The following CSMD1 variants were observed in gnomAD, a reference collection of about 807,000 sequenced individuals.
CSMD1 encodes CUB and Sushi multiple domains 1, also known as CUB and sushi domain-containing protein 1.
In CSMD1, 213 loss-of-function variants were observed where a neutral mutation model predicts 417.5. The observed-to-expected ratio is 0.51, with a 90% CI of 0.46 to 0.57. CSMD1 has a LOEUF of 0.57. Ranked by LOEUF, CSMD1 falls within the 20% of genes least tolerant of loss-of-function variation. The probability of loss-of-function intolerance (pLI) is 0.00; values close to 1 mark genes in which losing one functional copy is unlikely to be tolerated. For synonymous variants in CSMD1, 2,862 were observed against 1,736.8 expected (o/e 1.65, Z -16.11); for missense variants, 6,923 against 4,529.7 (o/e 1.53, Z -15.17).
chr8:4,442,437 G>C (rs538691492), intron 2 of CSMD1, among the ~76,000 whole-genome samples: 1 of 152,154 alleles, frequency 6.6e-6, no homozygotes, highest in East Asian at 1.9e-4. Context: ...ATAAAGCCCA[G>C]TTCTATAAAT....
chr8:3,794,161 A>G (rs1050483292), intron 5 of CSMD1, among the ~76,000 whole-genome samples: 2 of 152,116 alleles, frequency 1.3e-5, no homozygotes, highest in African/African-American at 4.8e-5. Context: ...ATCCCAGCAA[A>G]TGACTTTATG....
At chr8:4,213,699 G>T (rs1800460007) in intron 3 of CSMD1, among the ~76,000 whole-genome samples, 2 of 152,228 alleles carry the variant, frequency 1.3e-5, no homozygotes, top group Admixed American at 1.3e-4. Context: ...CTGGTGGGAA[G>T]CCGTGGGCTC....
At chr8:4,129,370 T>C (rs892791198) in intron 3 of CSMD1, among the ~76,000 whole-genome samples, 4 of 152,150 alleles carry the variant, frequency 2.6e-5, no homozygotes, top group Admixed American at 6.5e-5. Flanking sequence ...CCCAGTTTCC[T>C]TGACCACCTC....
intron 10 of CSMD1, among the ~76,000 whole-genome samples, chr8:3,543,188 T>A (rs1798516120): frequency 6.6e-6 from 1 of 152,144 alleles, no homozygotes; most frequent in Non-Finnish European, 1.5e-5. Flanking sequence ...GCTTGATGCT[T>A]TTGAGAAACT....
chr8:4,581,766 G>A (rs1799429502), intron 2 of CSMD1, among the ~76,000 whole-genome samples: 1 of 152,178 alleles, frequency 6.6e-6, no homozygotes. Context: ...AGACCATCTT[G>A]GCAGACAATT....
chr8:4,283,819 A>G (rs1345609305), intron 3 of CSMD1, among the ~76,000 whole-genome samples: 1 of 152,154 alleles, frequency 6.6e-6, no homozygotes, highest in Non-Finnish European at 1.5e-5. Context: ...CACCTATAAA[A>G]TCCTACTCTG....
intron 5 of CSMD1, among the ~76,000 whole-genome samples, chr8:3,873,206 T>A (rs1265406024): frequency 6.6e-6 from 1 of 152,212 alleles, no homozygotes; most frequent in Non-Finnish European, 1.5e-5. Flanking sequence ...TTACTGGCTA[T>A]GTAGCCAAAG....
chr8:4,145,749 C>T (rs1804073294), intron 3 of CSMD1, among the ~76,000 whole-genome samples: 1 of 151,030 alleles, frequency 6.6e-6, no homozygotes, highest in Admixed American at 6.6e-5. Context: ...CCAAAGTCAA[C>T]ACTGATTCCC....
At chr8:3,499,445 G>A (rs923528919) in intron 10 of CSMD1, among the ~76,000 whole-genome samples, 1 of 152,062 alleles carries the variant, frequency 6.6e-6, no homozygotes, top group African/African-American at 2.4e-5. Flanking sequence ...CAGGTGGGCT[G>A]GTCCTTGGGT....
intron 5 of CSMD1, among the ~76,000 whole-genome samples, chr8:3,970,362 TG>T: frequency 6.6e-6 from 1 of 152,186 alleles, no homozygotes; most frequent in East Asian, 1.9e-4. Flanking sequence ...CAGCTCATTT[TG>T]CAACTCCGAC....
chr8:3,214,515 C>T lies in CSMD1; in HGVS notation c.4849G>A (p.Val1617Met). 6.3e-7 allele frequency: 1 copy of T among 1,597,804 alleles called. No individual in the cohort carries two copies. Among genetic ancestry groups the T allele is most frequent in the Non-Finnish European group, 8.5e-7 (1 of 1,172,100 alleles). ...GADGKPSWDQ[V>M]LPSCNAPCGG... is the part of the protein sequence containing the mutation. ...CACTCACCATTGCAGGAGGGCAGCA[C>T]TTGGTCCCAGGAGGGTTTCCCATCA... Residue 1617 changes from valine (V) to methionine (M), a missense_variant, in exon 30 of 70, where the codon GTG (valine) becomes ATG (methionine). By Grantham distance (21) the Val-to-Met change is conservative. Coordinates refer to ENST00000635120, the MANE Select transcript of CSMD1 (RefSeq NM_033225.6).
intron 67 of CSMD1, among the ~76,000 whole-genome samples, chr8:2,949,858 T>G (rs556950348): frequency 2.1e-4 from 32 of 152,250 alleles, no homozygotes; most frequent in African/African-American, 7.5e-4. Flanking sequence ...ATCTTTCTAT[T>G]TATCTGGGAA....
chr8:4,734,922 T>G (rs1007178311), intron 1 of CSMD1, among the ~76,000 whole-genome samples: 3 of 152,140 alleles, frequency 2.0e-5, no homozygotes, highest in African/African-American at 7.2e-5. Context: ...TCCTAGGAGG[T>G]CTGGCTTTAG....
chr8:2,974,725 A>C (rs1330267836), intron 55 of CSMD1, 101 bp from the exon 56 acceptor site: 1 of 721,128 alleles, frequency 1.4e-6, no homozygotes, highest in African/African-American at 1.8e-5. Context: ...TCATGTATTA[A>C]AGAAAAACAC....
rs76814146 is a variant in CSMD1, at chr8:3,750,941, G to A, written c.931+2989C>T. ...CCTTTCTGCGTACTGTGCACCATGC[G>A]CCCTCTAAGATTCCTCACATCCTCC... On this transcript the variant is annotated intron_variant, in intron 6 of 69. Transcript: ENST00000635120. Among the ~76,000 whole-genome samples, 723 of 152,142 alleles carry A rather than the reference G, an allele frequency of 4.8e-3. 7 individuals carry two copies. The highest frequency in any genetic ancestry group is 0.016 in the African/African-American group (674 of 41,494).
At chr8:4,399,230 T>A (rs926279066) in intron 3 of CSMD1, among the ~76,000 whole-genome samples, 3 of 152,200 alleles carry the variant, frequency 2.0e-5, no homozygotes, top group Admixed American at 2.0e-4. Context: ...TGACAAACCG[T>A]ATTTCCCCTT....
At chr8:4,464,230 A>G (rs1225517928) in intron 2 of CSMD1, among the ~76,000 whole-genome samples, 1 of 152,156 alleles carries the variant, frequency 6.6e-6, no homozygotes, top group East Asian at 1.9e-4. Context: ...ACTGCCTCTT[A>G]ACATTCCCAC....
chr8:4,111,845 T>C (rs191251530), intron 3 of CSMD1, among the ~76,000 whole-genome samples: 2 of 152,208 alleles, frequency 1.3e-5, no homozygotes, highest in Admixed American at 6.5e-5. Context: ...GATGGGTTGA[T>C]AGGTGCCGCA....
chr8:3,366,834 G>C (rs1465913324), intron 20 of CSMD1, among the ~76,000 whole-genome samples, 198 bp downstream of exon 20: 1 of 152,126 alleles, frequency 6.6e-6, no homozygotes, highest in African/African-American at 2.4e-5. Flanking sequence ...GCATTTTCTG[G>C]ATGCCACATA....
Sources: allele counts gnomAD v4.1 joint callset (sites outside exome capture counted in the v4.1 genomes callset), GRCh38; gene constraint gnomAD v4.1.1; transcripts MANE v1.5; gene names NCBI Gene and HGNC (gene_info 2026-07-23, HGNC 2026-07-21).